Variants in NCKAP5 observed in about 807,000 individuals in gnomAD.
NCKAP5 encodes NCK associated protein 5.
Under a neutral mutation model 167.0 loss-of-function variants are expected in NCKAP5, and 92 were observed. The observed-to-expected ratio is 0.55, with a 90% CI of 0.47 to 0.66. The LOEUF is 0.66. NCKAP5 is among the 30% of genes least tolerant of loss of function. NCKAP5 has a pLI of 0.00. For missense variants in NCKAP5, 2,378 were observed against 2,315.0 expected (o/e 1.03, Z -0.56); for synonymous variants, 891 against 877.4 (o/e 1.02, Z -0.27).
intron 16 of NCKAP5, among the ~76,000 whole-genome samples, chr2:132,767,225 G>A (rs1311843872): frequency 6.6e-6 from 1 of 151,978 alleles, no homozygotes; most frequent in Non-Finnish European, 1.5e-5. Flanking sequence ...TAGATCCCAA[G>A]AGTTCTTATT....
chr2:133,071,307 T>C (rs951545225), intron 6 of NCKAP5, among the ~76,000 whole-genome samples: 7 of 151,812 alleles, frequency 4.6e-5, no homozygotes, highest in Admixed American at 2.0e-4. Context: ...TAGCCGGGCG[T>C]AGTGGCGGGC....
intron 8 of NCKAP5, among the ~76,000 whole-genome samples, chr2:132,937,195 C>A (rs776510766): frequency 1.3e-5 from 2 of 152,070 alleles, no homozygotes; most frequent in African/African-American, 4.8e-5. Context: ...AATGTGGGGA[C>A]AGAGAGGCTG....
At chr2:133,144,400 G>C (rs2083111340) in intron 5 of NCKAP5, among the ~76,000 whole-genome samples, 1 of 152,070 alleles carries the variant, frequency 6.6e-6, no homozygotes, top group Non-Finnish European at 1.5e-5. Flanking sequence ...AAGATTACCA[G>C]CTATAACAAA....
At chr2:133,497,255 A>T (rs1201019893) in intron 3 of NCKAP5, among the ~76,000 whole-genome samples, 1 of 152,256 alleles carries the variant, frequency 6.6e-6, no homozygotes, top group Non-Finnish European at 1.5e-5. Flanking sequence ...AATTTGATTT[A>T]AGAAAAAATA....
intron 8 of NCKAP5, among the ~76,000 whole-genome samples, chr2:132,958,397 G>T (rs560311684): frequency 6.6e-6 from 1 of 152,044 alleles, no homozygotes; most frequent in East Asian, 1.9e-4. Context: ...CTTCTACCTG[G>T]TCTCCCTGCC....
chr2:133,568,296 T>G lies in NCKAP5; in HGVS notation c.-210A>C, dbSNP rs948560022. 2 of 152,170 alleles carry G rather than the reference T, an allele frequency of 1.3e-5. No individual in the cohort carries two copies. The highest frequency in any genetic ancestry group is 4.8e-5 in the African/African-American group (2 of 41,440). 9.4% of individuals were successfully genotyped at this position (152,170 alleles called of 1,614,324 possible). A position where few individuals can be genotyped will look rare whatever the true frequency, so the allele number is the denominator to read the frequency against. ...CTACAACTCTCTCCAGCTAAAAATTTCCTCCCGCGGTTGGTTATCCTCTGT... is the reference window on the plus strand; with the variant it reads ...CTACAACTCTCTCCAGCTAAAAATTGCCTCCCGCGGTTGGTTATCCTCTGT... On this transcript the variant is annotated 5_prime_UTR_variant, in exon 1 of 20. Transcript: ENST00000409261.
intron 18 of NCKAP5, among the ~76,000 whole-genome samples, chr2:132,726,720 C>T (rs1423270083): frequency 1.3e-5 from 2 of 152,242 alleles, no homozygotes. Flanking sequence ...TTCAAGCACT[C>T]ATTTCCTTTA....
chr2:133,318,440 A>G (rs1681771210), intron 3 of NCKAP5, among the ~76,000 whole-genome samples: 1 of 152,210 alleles, frequency 6.6e-6, no homozygotes, highest in Non-Finnish European at 1.5e-5. Context: ...ATGATTACCA[A>G]TACTGTGATT....
At chr2:133,229,706 A>G (rs937337295) in intron 4 of NCKAP5, among the ~76,000 whole-genome samples, 2 of 152,150 alleles carry the variant, frequency 1.3e-5, no homozygotes, top group East Asian at 1.9e-4. Flanking sequence ...TCTTGGCACC[A>G]AAGTCCTCAT....
At chr2:132,891,965 G>A (rs1692743031) in intron 8 of NCKAP5, among the ~76,000 whole-genome samples, 1 of 152,222 alleles carries the variant, frequency 6.6e-6, no homozygotes, top group Non-Finnish European at 1.5e-5. Context: ...CGAACATGGA[G>A]CCTGGCCCTC....
At chr2:133,320,690 T>A (rs1033892525) in intron 3 of NCKAP5, among the ~76,000 whole-genome samples, 9 of 151,946 alleles carry the variant, frequency 5.9e-5, no homozygotes, top group Non-Finnish European at 1.3e-4. Flanking sequence ...ATCACACCAC[T>A]GCACTCCAGC....
intron 5 of NCKAP5, among the ~76,000 whole-genome samples, chr2:133,204,129 T>C (rs1483192282): frequency 1.3e-5 from 2 of 152,192 alleles, no homozygotes; most frequent in Non-Finnish European, 2.9e-5. Context: ...TTCTCTAAAA[T>C]TTCCCCTAGG....
intron 3 of NCKAP5, among the ~76,000 whole-genome samples, chr2:133,496,633 C>T (rs1054158670): frequency 2.0e-5 from 3 of 152,090 alleles, no homozygotes; most frequent in East Asian, 1.9e-4. Flanking sequence ...GTTAGAAATG[C>T]GAATTCATGG....
the NCKAP5 span, among the ~76,000 whole-genome samples, chr2:133,612,850 T>A: frequency 6.6e-6 from 1 of 152,210 alleles, no homozygotes; most frequent in Admixed American, 6.5e-5. Flanking sequence ...TTTATAACAT[T>A]GCTCTTAAGC....
chr2:132,833,595 C>T (rs991262335), intron 11 of NCKAP5, among the ~76,000 whole-genome samples: 1 of 152,112 alleles, frequency 6.6e-6, no homozygotes, highest in Non-Finnish European at 1.5e-5. Flanking sequence ...TCCAATTTTC[C>T]CAGAATCATT....
chr2:133,487,062 C>T lies in NCKAP5; in HGVS notation c.69+30396G>A, dbSNP rs188321439. Among the ~76,000 whole-genome samples, 130 of 152,226 alleles carry T rather than the reference C, an allele frequency of 8.5e-4. 2 individuals are homozygous for T. In the East Asian group the frequency reaches 0.013, roughly 15 times the overall value. On this transcript the variant is annotated intron_variant, in intron 3 of 19. Coordinates refer to ENST00000409261, the MANE Select transcript of NCKAP5 (RefSeq NM_207363.3). ...TTGAAAGACTGGCTCAAAAATAGCC[C>T]GGACATTTTCCTGTTTGGAGAACTC...
chr2:133,173,156 G>A (rs888716493), intron 5 of NCKAP5, among the ~76,000 whole-genome samples: 18 of 152,078 alleles, frequency 1.2e-4, no homozygotes, highest in Non-Finnish European at 2.1e-4. Context: ...TCATTCCCAC[G>A]AAGATTAAGT....
rs137964232 is a variant in NCKAP5, at chr2:133,425,964, T to C, written c.69+91494A>G. On this transcript the variant is annotated intron_variant, in intron 3 of 19. Coordinates refer to ENST00000409261, the MANE Select transcript of NCKAP5 (RefSeq NM_207363.3). ...GCCTTTAAATTAAAAAACAGTCTTCTAACCAAACCAAGGATAGAAAATGCA... is the reference window on the plus strand; with the variant it reads ...GCCTTTAAATTAAAAAACAGTCTTCCAACCAAACCAAGGATAGAAAATGCA... 1.7e-3 allele frequency among the ~76,000 whole-genome samples: 257 copies of C among 152,294 alleles called. 2 individuals carry two copies. Among genetic ancestry groups the C allele is most frequent in the African/African-American group, 5.9e-3 (244 of 41,582 alleles).
chr2:133,293,992 G>T (rs1679779330), intron 4 of NCKAP5, among the ~76,000 whole-genome samples: 1 of 152,180 alleles, frequency 6.6e-6, no homozygotes, highest in African/African-American at 2.4e-5. Flanking sequence ...CCTCAGCAGG[G>T]TGAATCAGGG....
Sources: allele counts gnomAD v4.1 joint callset (sites outside exome capture counted in the v4.1 genomes callset), GRCh38; gene constraint gnomAD v4.1.1; transcripts MANE v1.5; gene names NCBI Gene and HGNC (gene_info 2026-07-23, HGNC 2026-07-21).